Variants in TENT4B observed in about 807,000 individuals in gnomAD.
TENT4B encodes terminal nucleotidyltransferase 4B.
TENT4B carries 10 observed loss-of-function variants against 75.0 expected under a neutral mutation model. The observed-to-expected ratio is 0.13, with a 90% CI of 0.08 to 0.23. TENT4B has a LOEUF of 0.23. TENT4B is among the 10% of genes least tolerant of loss of function. The pLI, the probability that TENT4B is intolerant of heterozygous loss-of-function variation, is 1.00. For synonymous variants in TENT4B, 350 were observed against 357.7 expected (o/e 0.98, Z 0.24); for missense variants, 579 against 893.8 (o/e 0.65, Z 4.49).
At chr16:50,185,079 C>A (rs564997814) in intron 1 of TENT4B, among the ~76,000 whole-genome samples, 1 of 152,286 alleles carries the variant, frequency 6.6e-6, no homozygotes, top group Admixed American at 6.5e-5. Context: ...CACCCTGATA[C>A]TCTTTGGGTA....
intron 1 of TENT4B, among the ~76,000 whole-genome samples, chr16:50,179,084 C>G (rs561525636): frequency 2.0e-5 from 3 of 152,078 alleles, no homozygotes; most frequent in South Asian, 2.1e-4. Flanking sequence ...TTATTCCAGC[C>G]GGGTGCGGTG....
intron 1 of TENT4B, among the ~76,000 whole-genome samples, chr16:50,179,177 A>G (rs980464507): frequency 2.6e-5 from 4 of 152,156 alleles, no homozygotes; most frequent in Non-Finnish European, 5.9e-5. Context: ...AGCCTGACCA[A>G]CATGGAGAAA....
At chr16:50,228,624 G>C (rs2032159961) in intron 11 of TENT4B, among the ~76,000 whole-genome samples, 2 of 152,230 alleles carry the variant, frequency 1.3e-5, no homozygotes, top group South Asian at 4.1e-4. Context: ...CTGTAACCTT[G>C]TGTCTGATTT....
intron 1 of TENT4B, among the ~76,000 whole-genome samples, chr16:50,178,493 T>C (rs2038352100): frequency 6.6e-6 from 1 of 152,132 alleles, no homozygotes; most frequent in Non-Finnish European, 1.5e-5. Flanking sequence ...TTCATCTTTT[T>C]TGTATGTGAC....
At chr16:50,197,401 G>A (rs891636441) in intron 1 of TENT4B, among the ~76,000 whole-genome samples, 1 of 152,154 alleles carries the variant, frequency 6.6e-6, no homozygotes, top group African/African-American at 2.4e-5. Context: ...TGATTTTCCT[G>A]CCTCAGCCTC....
At chr16:50,201,424 C>G (rs2030640509) in intron 1 of TENT4B, among the ~76,000 whole-genome samples, 1 of 151,856 alleles carries the variant, frequency 6.6e-6, no homozygotes, top group Non-Finnish European at 1.5e-5. Context: ...GTAATCCCAG[C>G]TACTTAGGAG....
chr16:50,197,172 A>G (rs555379714), intron 1 of TENT4B, among the ~76,000 whole-genome samples: 1 of 152,326 alleles, frequency 6.6e-6, no homozygotes, highest in East Asian at 1.9e-4. Flanking sequence ...TGGAATATAA[A>G]GGTGTTTCCT....
Position 50,235,245 on chromosome 16 carries a change from C to G in TENT4B, c.*5917C>G, listed in dbSNP as rs1396151836. 6.3e-6 allele frequency: 1 copy of G among 159,616 alleles called. No individual in the cohort carries two copies. Among genetic ancestry groups the G allele is most frequent in the Non-Finnish European group, 1.3e-5 (1 of 74,884 alleles). 9.9% of individuals were successfully genotyped at this position (159,616 alleles called of 1,614,324 possible). The stretch of plus-strand genomic sequence containing the variant: ...TATGCACATCGGCCTCTAGTGCTTA[C>G]CACTCGGTTTATTATTCATAATCTG... On this transcript the variant is annotated 3_prime_UTR_variant, in exon 12 of 12. Coordinates refer to ENST00000561678, the MANE Select transcript of TENT4B (RefSeq NM_001365324.3).
chr16:50,224,601 T>A, intron 7 of TENT4B, 56 bp from the exon 8 acceptor site: 4 of 1,603,858 alleles, frequency 2.5e-6, no homozygotes, highest in Non-Finnish European at 8.5e-7. Context: ...GTCATCAACA[T>A]TTAGTGCATA....
At chr16:50,215,959 T>A in intron 3 of TENT4B, 116 bp from the exon 4 acceptor site, 1 of 1,269,846 alleles carries the variant, frequency 7.9e-7, no homozygotes, top group Non-Finnish European at 1.1e-6. Flanking sequence ...TTAGTCTTCG[T>A]TGGCCAGGGT....
chr16:50,178,955 A>G (rs988381996), intron 1 of TENT4B, among the ~76,000 whole-genome samples: 10 of 152,336 alleles, frequency 6.6e-5, no homozygotes, highest in African/African-American at 2.2e-4. Flanking sequence ...AATGATTAAA[A>G]TGGTACATTT....
At chr16:50,187,509 G>T (rs2038553547) in intron 1 of TENT4B, among the ~76,000 whole-genome samples, 1 of 152,198 alleles carries the variant, frequency 6.6e-6, no homozygotes, top group African/African-American at 2.4e-5. Context: ...CTTGAACACA[G>T]GAGGCGGAGG....
intron 1 of TENT4B, among the ~76,000 whole-genome samples, chr16:50,194,576 G>T (rs1409736415): frequency 6.8e-6 from 1 of 148,018 alleles, no homozygotes; most frequent in Non-Finnish European, 1.5e-5. Flanking sequence ...TTTGAGACAG[G>T]GTCTTGCTCT....
chr16:50,177,823 T>C (rs1415445661), intron 1 of TENT4B, among the ~76,000 whole-genome samples: 1 of 152,178 alleles, frequency 6.6e-6, no homozygotes, highest in Non-Finnish European at 1.5e-5. Context: ...AAACTGAGAT[T>C]ATTGATTTTT....
chr16:50,219,012 A>C (rs2031702118), intron 5 of TENT4B, among the ~76,000 whole-genome samples: 1 of 152,136 alleles, frequency 6.6e-6, no homozygotes, highest in Non-Finnish European at 1.5e-5. Context: ...TGTTACAAGC[A>C]TTATCATCTT....
chr16:50,178,974 A>G (rs1179923207), intron 1 of TENT4B, among the ~76,000 whole-genome samples: 1 of 152,218 alleles, frequency 6.6e-6, no homozygotes, highest in African/African-American at 2.4e-5. Flanking sequence ...TTTATGTTAC[A>G]TATGTTTTAC....
At chr16:50,167,044 T>G (rs533652633) in intron 1 of TENT4B, among the ~76,000 whole-genome samples, 1 of 152,292 alleles carries the variant, frequency 6.6e-6, no homozygotes, top group African/African-American at 2.4e-5. Context: ...ACGACTCATC[T>G]TCCTGAGTAG....
Position 50,229,685 on chromosome 16 carries a change from A to G in TENT4B, c.*357A>G, listed in dbSNP as rs971630277. The stretch of plus-strand genomic sequence containing the variant: ...TAGTATTCAGTGTTGGTAGGGTGAT[A>G]GAAACAAAAAACAGTATCAGAGGAT... On this transcript the variant is annotated 3_prime_UTR_variant, in exon 12 of 12. Transcript: ENST00000561678. 2 of 998,804 alleles carry G rather than the reference A, an allele frequency of 2.0e-6. No individual in the cohort carries two copies. The highest frequency in any genetic ancestry group is 3.4e-5 in the African/African-American group (2 of 57,990). 61.9% of individuals were successfully genotyped at this position (998,804 alleles called of 1,614,324 possible).
At chr16:50,220,729 A>C (rs980113793) in intron 5 of TENT4B, among the ~76,000 whole-genome samples, 5 of 151,800 alleles carry the variant, frequency 3.3e-5, no homozygotes, top group Admixed American at 2.6e-4. Context: ...GGGTTTCTCC[A>C]TGTTGGCCAG....
Sources: allele counts gnomAD v4.1 joint callset (sites outside exome capture counted in the v4.1 genomes callset), GRCh38; gene constraint gnomAD v4.1.1; transcripts MANE v1.5; gene names NCBI Gene and HGNC (gene_info 2026-07-23, HGNC 2026-07-21).